IRS1: variants seen among roughly 807,000 people sequenced by gnomAD.
The protein encoded by IRS1 is insulin receptor substrate 1.
In IRS1, 34 loss-of-function variants were observed where a neutral mutation model predicts 65.6. That is an observed-to-expected ratio of 0.52 (90% CI 0.39 to 0.69). The LOEUF (loss-of-function observed/expected upper bound fraction) is 0.69, where lower values mean the gene tolerates loss of function less well. IRS1 is among the 30% of genes least tolerant of loss of function. The pLI, the probability that IRS1 is intolerant of heterozygous loss-of-function variation, is 0.00. For synonymous variants in IRS1, 699 were observed against 683.5 expected (o/e 1.02, Z -0.35); for missense variants, 1,641 against 1,720.2 (o/e 0.95, Z 0.81).
intron 1 of IRS1, among the ~76,000 whole-genome samples, chr2:226,741,001 A>T (rs6741302): frequency 0.11 from 16,845 of 149,174 alleles, 1,380 homozygotes; most frequent in African/African-American, 0.22. Flanking sequence ...TGTGCTTTTT[A>T]AAAAAAAAAG....
intron 1 of IRS1, among the ~76,000 whole-genome samples, chr2:226,785,281 A>G (rs1939464875): frequency 2.0e-5 from 3 of 152,178 alleles, no homozygotes; most frequent in South Asian, 2.1e-4. Context: ...AGTAGTAAAG[A>G]TTTAAATTGG....
At chr2:226,758,407 G>A (rs1029695240) in intron 1 of IRS1, among the ~76,000 whole-genome samples, 4 of 152,056 alleles carry the variant, frequency 2.6e-5, no homozygotes, top group African/African-American at 7.2e-5. Context: ...AGTGAAAATC[G>A]AATACCTTTA....
intron 1 of IRS1, among the ~76,000 whole-genome samples, chr2:226,751,634 C>T (rs946423696): frequency 4.0e-5 from 6 of 151,856 alleles, no homozygotes; most frequent in African/African-American, 1.5e-4. Context: ...GAAAGGAGGG[C>T]CCAGTGACAG....
chr2:226,748,899 C>T (rs901320494), intron 1 of IRS1, among the ~76,000 whole-genome samples: 1 of 152,078 alleles, frequency 6.6e-6, no homozygotes, highest in Non-Finnish European at 1.5e-5. Context: ...TGGTTAAATA[C>T]CAGGGTTTTC....
Position 226,798,957 on chromosome 2 carries a change from C to A in IRS1, c.-219G>T, listed in dbSNP as rs1163128423. 4 of 1,443,816 alleles carry A rather than the reference C, an allele frequency of 2.8e-6. No homozygotes were observed. The highest frequency in any genetic ancestry group is 9.1e-7 in the Non-Finnish European group (1 of 1,097,284). 89.4% of individuals were successfully genotyped at this position (1,443,816 alleles called of 1,614,324 possible). A position where few individuals can be genotyped will look rare whatever the true frequency, so the allele number is the denominator to read the frequency against. ...AGAGAGCCCGACCGGAGTTTTCGGG[C>A]GCTTCACGCCCGGCGGGGAGGCAGT... On this transcript the variant is annotated 5_prime_UTR_variant, in exon 1 of 2. Transcript: ENST00000305123. The surrounding 1 kb of genome is among the most constrained non-coding windows in gnomAD (Gnocchi z 9.4).
intron 1 of IRS1, among the ~76,000 whole-genome samples, chr2:226,783,095 A>G (rs1939418636): frequency 6.6e-6 from 1 of 152,226 alleles, no homozygotes; most frequent in African/African-American, 2.4e-5. Context: ...TGGCACTAAA[A>G]ATAGAGACAA....
At position 226,798,801 on chromosome 2, in the gene IRS1, C is replaced by T; in HGVS notation, c.-63G>A. 1 of 1,564,026 alleles carries T rather than the reference C, an allele frequency of 6.4e-7. No individual in the cohort carries two copies. The highest frequency in any genetic ancestry group is 8.7e-7 in the Non-Finnish European group (1 of 1,155,484). On this transcript the variant is annotated 5_prime_UTR_variant, in exon 1 of 2. Transcript: ENST00000305123. This position sits in a 1 kb window ranked among gnomAD's most constrained non-coding sequence, Gnocchi z 9.4. ...CTCCGAAAAACAACCGGGTGGGGGG[C>T]GGAGGCTCCTCGCCGCGGCCCGGCA...
chr2:226,797,307 C>T lies in IRS1; in HGVS notation c.1432G>A (p.Ala478Thr), dbSNP rs776903727. Residue 478 changes from alanine to threonine, a missense_variant, in exon 1 of 2, where the codon GCC (alanine) becomes ACC (threonine). Physicochemically the swap from Ala to Thr is moderately conservative, Grantham distance 58 (BLOSUM62 0). Around this residue, in one of 3 missense-constraint regions of IRS1, gnomAD observed 1,324 missense variants for 1,361.0 expected, o/e 0.97. Coordinates refer to ENST00000305123, the MANE Select transcript of IRS1 (RefSeq NM_005544.3). The surrounding 1 kb of genome is among the most constrained non-coding windows in gnomAD (Gnocchi z 8.1). The part of the protein sequence containing the change: ...MGGKGPSTLT[A>T]PNGHYILSRG... ...GACAAAATGTAGTGACCGTTGGGGG[C>T]GGTCAGGGTGGAGGGCCCCTTGCCA... is the stretch of plus-strand genomic sequence containing the variant. 5.0e-6 allele frequency: 8 copies of T among 1,613,446 alleles called. No homozygotes were observed. Among genetic ancestry groups the T allele is most frequent in the Middle Eastern group, 1.6e-4 (1 of 6,062 alleles).
rs35699614 is a variant in IRS1 at position 226,751,274 on chromosome 2, A to ATTTT, written c.*22-15028_*22-15025dup. ...ATTCCTTAAAAGACTCCACACGGGT[A>ATTTT]TTTTTTTTTTTTTTTTTTTTTTTTT... On this transcript the variant is annotated intron_variant, in intron 1 of 1. Transcript: ENST00000305123. 1.6e-3 allele frequency among the ~76,000 whole-genome samples: 126 copies of ATTTT among 77,542 alleles called. 11 individuals are homozygous for ATTTT. Among genetic ancestry groups the ATTTT allele is most frequent in the African/African-American group, 5.4e-3 (103 of 19,066 alleles). 50.9% of individuals were successfully genotyped at this position (77,542 alleles called of 152,430 possible).
intron 1 of IRS1, among the ~76,000 whole-genome samples, chr2:226,740,895 G>GTA (rs1194204084): frequency 6.6e-6 from 1 of 151,808 alleles, no homozygotes; most frequent in African/African-American, 2.4e-5. Flanking sequence ...ATCTTATATT[G>GTA]TAGATGGAAC....
intron 1 of IRS1, among the ~76,000 whole-genome samples, chr2:226,784,475 T>G (rs1939449469): frequency 6.6e-6 from 1 of 152,168 alleles, no homozygotes; most frequent in East Asian, 1.9e-4. Context: ...CAGGCTAGAG[T>G]GCAAGGGTGT....
At chr2:226,786,740 A>C (rs1343328793) in intron 1 of IRS1, among the ~76,000 whole-genome samples, 1 of 151,616 alleles carries the variant, frequency 6.6e-6, no homozygotes, top group Non-Finnish European at 1.5e-5. Context: ...CAGAGAAAAA[A>C]ATAGTGTGAA....
rs1286001571 is a variant in IRS1 at position 226,736,055 on chromosome 2, G to A, written c.*217C>T. On this transcript the variant is annotated 3_prime_UTR_variant, in exon 2 of 2. Coordinates refer to ENST00000305123, the MANE Select transcript of IRS1 (RefSeq NM_005544.3). The stretch of plus-strand genomic sequence containing the variant: ...GTGTCACAGTGCATTTTTTTTTTTC[G>A]CTTGGCACAATATAGAACGTGCAGT... 4.7e-5 allele frequency: 7 copies of A among 149,440 alleles called. No individual in the cohort carries two copies. Among genetic ancestry groups the A allele is most frequent in the Admixed American group, 3.3e-4 (5 of 15,066 alleles). The allele number at this position is 149,440 out of a possible 1,614,324, so 9.3% of individuals were successfully genotyped here.
In IRS1 at chr2:226,746,512, T is replaced by G. The variant is rs149579429; in HGVS notation, c.*22-10262A>C. Reference sequence around the variant, plus strand: ...TTAATCTAAAATAATTGATAATGCATCCACTGCTTGCAGCTCTAAGGTCAC... The same window carrying G: ...TTAATCTAAAATAATTGATAATGCAGCCACTGCTTGCAGCTCTAAGGTCAC... On this transcript the variant is annotated intron_variant, in intron 1 of 1. Coordinates refer to ENST00000305123, the MANE Select transcript of IRS1 (RefSeq NM_005544.3). Among the ~76,000 whole-genome samples the G allele has an allele frequency of 6.6e-3, 1,012 of 152,240 alleles. 9 individuals carry two copies. The highest frequency in any genetic ancestry group is 0.01 in the Non-Finnish European group (710 of 68,002).
At chr2:226,762,774 C>T (rs1384052294) in intron 1 of IRS1, among the ~76,000 whole-genome samples, 1 of 152,022 alleles carries the variant, frequency 6.6e-6, no homozygotes, top group African/African-American at 2.4e-5. Context: ...ACATTTGCAC[C>T]AGCCGAATAC....
intron 1 of IRS1, among the ~76,000 whole-genome samples, chr2:226,750,834 T>A (rs1208819006): frequency 1.3e-5 from 2 of 152,202 alleles, no homozygotes. Flanking sequence ...CTGGGGATTT[T>A]GTTAAAGTGC....
In IRS1 at chr2:226,797,652, C is replaced by T. The variant is rs1447178819; in HGVS notation, c.1087G>A (p.Ala363Thr). ...TGGTTGAGCGGGGGGTGCAGCCGGG[C>T]GCTGCCCCGATGCCGGTGGGCGTGG... Reference protein sequence around the residue: ...RTHAHRHRGSARLHPPLNHSR... With the variant: ...RTHAHRHRGSTRLHPPLNHSR... The change falls in exon 1 of 2, where the codon GCC becomes ACC. Residue 363 changes from alanine (A) to threonine (T), a missense_variant. Physicochemically the swap from Ala to Thr is moderately conservative, Grantham distance 58 (BLOSUM62 0). Coordinates refer to ENST00000305123, the MANE Select transcript of IRS1 (RefSeq NM_005544.3). This position sits in a 1 kb window ranked among gnomAD's most constrained non-coding sequence, Gnocchi z 8.1. 1 of 1,592,544 alleles carries T rather than the reference C, an allele frequency of 6.3e-7. No homozygotes were observed. The highest frequency in any genetic ancestry group is 8.5e-7 in the Non-Finnish European group (1 of 1,175,840).
At chr2:226,791,410 C>G (rs1199527628) in intron 1 of IRS1, among the ~76,000 whole-genome samples, 4 of 152,200 alleles carry the variant, frequency 2.6e-5, no homozygotes, top group Non-Finnish European at 5.9e-5. Context: ...TGGTTACGGC[C>G]TGGATTTTTC....
intron 1 of IRS1, among the ~76,000 whole-genome samples, chr2:226,764,537 T>C (rs547961908): frequency 2.0e-5 from 3 of 152,060 alleles, no homozygotes; most frequent in African/African-American, 7.2e-5. Flanking sequence ...AACAAGACCC[T>C]GTTTCAAAAA....
Sources: gnomAD v4.1 joint callset for allele counts (sites outside exome capture counted in the v4.1 genomes callset) on GRCh38, gnomAD v4.1.1 for gene constraint, gnomAD v4.1.1 regional missense constraint, Gnocchi (gnomAD v3.1) non-coding constraint, MANE v1.5 for transcripts, NCBI Gene and HGNC (gene_info 2026-07-23, HGNC 2026-07-21) for gene names.